The following PCDH15 variants were observed in gnomAD, a reference collection of about 807,000 sequenced individuals.
PCDH15 encodes the protein protocadherin related 15.
Under a neutral mutation model 178.5 loss-of-function variants are expected in PCDH15, and 129 were observed. The ratio of observed to expected loss-of-function variants is 0.72; its 90% CI spans 0.63 to 0.84. The LOEUF is 0.84. Among genes scored for constraint, PCDH15 ranks in the 40% least tolerant of loss-of-function variants. PCDH15 has a pLI of 0.00. For missense variants in PCDH15, 2,230 were observed against 2,099.9 expected (o/e 1.06, Z -1.21); for synonymous variants, 800 against 732.0 (o/e 1.09, Z -1.50).
At chr10:55,332,553 T>C (rs980507807) in intron 2 of PCDH15, among the ~76,000 whole-genome samples, 3 of 152,158 alleles carry the variant, frequency 2.0e-5, no homozygotes, top group Non-Finnish European at 4.4e-5. Context: ...CTAATCAATA[T>C]CAGTAAAGAA....
chr10:54,788,468 T>A (rs1415269670), intron 1 of PCDH15, among the ~76,000 whole-genome samples: 1 of 151,726 alleles, frequency 6.6e-6, no homozygotes, highest in African/African-American at 2.4e-5. Context: ...TAGACAGAAA[T>A]TAGTTAAGAA....
intron 1 of PCDH15, among the ~76,000 whole-genome samples, chr10:55,262,072 TAAAGG>T (rs1429004546): frequency 3.3e-5 from 3 of 90,260 alleles, no homozygotes; most frequent in African/African-American, 8.7e-5. Flanking sequence ...GGGAAAGAGA[TAAAGG>T]AAAGGAAAGG....
intron 1 of PCDH15, among the ~76,000 whole-genome samples, chr10:55,236,784 A>G (rs751916185): frequency 3.9e-5 from 6 of 151,978 alleles, no homozygotes; most frequent in Non-Finnish European, 8.8e-5. Context: ...AGAACATTAT[A>G]TTTATACAAT....
chr10:55,572,011 TTTAA>T (rs575989547), intron 2 of PCDH15, among the ~76,000 whole-genome samples: 220 of 152,130 alleles, frequency 1.4e-3, no homozygotes, highest in African/African-American at 5.2e-3. Context: ...AAAATATCAT[TTTAA>T]TTGTTTTCAA....
At chr10:54,338,691 A>G (rs188088499) in intron 6 of PCDH15, among the ~76,000 whole-genome samples, 26 of 152,272 alleles carry the variant, frequency 1.7e-4, no homozygotes, top group Admixed American at 1.4e-3. Context: ...GCTTATGCAT[A>G]TTGCTTAAGT....
chr10:55,377,537 A>T (rs1390378996), intron 2 of PCDH15, among the ~76,000 whole-genome samples: 1 of 151,954 alleles, frequency 6.6e-6, no homozygotes, highest in African/African-American at 2.4e-5. Context: ...TATTTAGTAA[A>T]ATAGCTTGCT....
At chr10:54,196,024 C>G (rs1224591839) in intron 10 of PCDH15, 135 bp from the exon 11 acceptor site, 3 of 723,350 alleles carry the variant, frequency 4.1e-6, no homozygotes, top group East Asian at 5.4e-5. Flanking sequence ...CGTTAAAGGG[C>G]CATTTGAAAA....
At chr10:54,383,969 C>T (rs368735454) in intron 3 of PCDH15, among the ~76,000 whole-genome samples, 41 of 150,486 alleles carry the variant, frequency 2.7e-4, no homozygotes, top group African/African-American at 9.3e-4. Context: ...CAGGCACCTG[C>T]CACCACAAAC....
intron 2 of PCDH15, among the ~76,000 whole-genome samples, chr10:54,548,150 T>TTA (rs938411378): frequency 1.4e-5 from 2 of 147,310 alleles, no homozygotes; most frequent in Non-Finnish European, 3.0e-5. Context: ...TATATATGTT[T>TTA]TATATATATA....
At chr10:55,547,465 A>T (rs1183911900) in intron 2 of PCDH15, among the ~76,000 whole-genome samples, 5 of 152,142 alleles carry the variant, frequency 3.3e-5, no homozygotes, top group Non-Finnish European at 7.4e-5. Context: ...AACAAAGGAG[A>T]GGGAAAAGCT....
At chr10:55,057,567 A>C (rs1488984730) in intron 2 of PCDH15, among the ~76,000 whole-genome samples, 8 of 152,200 alleles carry the variant, frequency 5.3e-5, no homozygotes, top group Non-Finnish European at 1.0e-4. Flanking sequence ...GAAGACTGGC[A>C]TACAGAAAGC....
chr10:54,980,809 T>C (rs1839214859), intron 2 of PCDH15, among the ~76,000 whole-genome samples: 1 of 152,108 alleles, frequency 6.6e-6, no homozygotes, highest in Admixed American at 6.6e-5. Flanking sequence ...TTTATTGATA[T>C]TAAAATTGTA....
chr10:53,990,721 C>T (rs983957257), intron 21 of PCDH15, among the ~76,000 whole-genome samples: 3 of 152,022 alleles, frequency 2.0e-5, no homozygotes, highest in East Asian at 1.9e-4. Context: ...ACTTGAGGAG[C>T]CCCTTCAGCC....
intron 2 of PCDH15, among the ~76,000 whole-genome samples, chr10:55,402,188 T>C (rs986233657): frequency 6.6e-6 from 1 of 152,082 alleles, no homozygotes; most frequent in African/African-American, 2.4e-5. Context: ...CACAGTGCTT[T>C]GGCATGAACC....
intron 25 of PCDH15, among the ~76,000 whole-genome samples, chr10:53,931,795 T>C (rs1229218450): frequency 6.6e-6 from 1 of 152,206 alleles, no homozygotes; most frequent in Non-Finnish European, 1.5e-5. Context: ...ATGAATCTAA[T>C]ACTCCAAATT....
At chr10:54,934,318 T>C (rs915254791) in intron 2 of PCDH15, among the ~76,000 whole-genome samples, 1 of 152,154 alleles carries the variant, frequency 6.6e-6, no homozygotes, top group Non-Finnish European at 1.5e-5. Context: ...AAAATATTCA[T>C]GTGTATATAC....
intron 1 of PCDH15, among the ~76,000 whole-genome samples, chr10:54,668,083 T>G (rs1407842590): frequency 2.6e-5 from 4 of 152,020 alleles, no homozygotes; most frequent in African/African-American, 9.7e-5. Flanking sequence ...GCAAGATAAA[T>G]CTCATATTTA....
At chr10:54,299,602 G>A (rs1329088138) in intron 8 of PCDH15, among the ~76,000 whole-genome samples, 1 of 152,132 alleles carries the variant, frequency 6.6e-6, no homozygotes, top group African/African-American at 2.4e-5. Flanking sequence ...TTTCCAAACA[G>A]GGATCTAAAT....
chr10:53,948,140 G>T (rs1412096973), intron 23 of PCDH15, among the ~76,000 whole-genome samples: 3 of 152,042 alleles, frequency 2.0e-5, no homozygotes, highest in Non-Finnish European at 2.9e-5. Context: ...TTACAACGGG[G>T]TTAGGTCCTG....
Sources: allele counts gnomAD v4.1 joint callset (sites outside exome capture counted in the v4.1 genomes callset), GRCh38; gene constraint gnomAD v4.1.1; transcripts MANE v1.5; gene names NCBI Gene and HGNC (gene_info 2026-07-23, HGNC 2026-07-21).